Variants in PMEPA1 observed in about 807,000 individuals in gnomAD.
PMEPA1 encodes the protein protein TMEPAI.
PMEPA1 carries 11 observed loss-of-function variants against 23.0 expected under a neutral mutation model. That is an observed-to-expected ratio of 0.48 (90% CI 0.30 to 0.79). The LOEUF is 0.79. Ranked by LOEUF, PMEPA1 falls within the 30% of genes least tolerant of loss-of-function variation. The pLI is 0.06. For synonymous variants in PMEPA1, 204 were observed against 166.4 expected (o/e 1.23, Z -1.74); for missense variants, 377 against 390.9 (o/e 0.96, Z 0.30).
Position 57,709,499 on chromosome 20 carries a change from G to A in PMEPA1, c.84C>T (p.Arg28=). The part of the protein sequence containing the change: ...PNVSCTCNCK[R]SLFQSMEITE... ...TGATCTCCATGCTCTGGAACAAAGA[G>A]CGTTTGCAGTTGCACGTGCAGGAGA... Residue 28 remains arginine (R), a synonymous_variant, in exon 1 of 4, where the codon CGC becomes CGT. Transcript: ENST00000341744. 5 of 1,144,890 alleles carry A rather than the reference G, an allele frequency of 4.4e-6. No individual in the cohort carries two copies. The highest frequency in any genetic ancestry group is 4.4e-6 in the Non-Finnish European group (4 of 914,112). The allele number at this position is 1,144,890 out of a possible 1,614,324, so 70.9% of individuals were successfully genotyped here. A position where few individuals can be genotyped will look rare whatever the true frequency, so the allele number is the denominator to read the frequency against.
chr20:57,651,940 G>A lies in PMEPA1; in HGVS notation c.*113C>T, dbSNP rs1342024129. 1 of 784,376 alleles carries A rather than the reference G, an allele frequency of 1.3e-6. No individual in the cohort carries two copies. The allele number at this position is 784,376 out of a possible 1,614,324, so 48.6% of individuals were successfully genotyped here. A position where few individuals can be genotyped will look rare whatever the true frequency, so the allele number is the denominator to read the frequency against. On this transcript the variant is annotated 3_prime_UTR_variant, in exon 4 of 4. Transcript: ENST00000341744. ...TTATACACAGGGAGGTGGGAGGGGA[G>A]GGCCACACGATGCGTTGCTGCGCCC...
Position 57,709,460 on chromosome 20 carries a change from G to A in PMEPA1, c.109+14C>T, listed in dbSNP as rs1440982250. 9.0e-7 allele frequency: 1 copy of A among 1,106,618 alleles called. No individual in the cohort carries two copies. Among genetic ancestry groups the A allele is most frequent in the South Asian group, 3.2e-5 (1 of 31,108 alleles). The allele number at this position is 1,106,618 out of a possible 1,614,324, so 68.5% of individuals were successfully genotyped here. Reference sequence around the variant, plus strand: ...CGATGGAGTCTCCGGGGAGGGGGGCGTGGGGTCACTCACTGATCTCCATGC... The same window carrying A: ...CGATGGAGTCTCCGGGGAGGGGGGCATGGGGTCACTCACTGATCTCCATGC... On this transcript the variant is annotated intron_variant, in intron 1 of 3. Coordinates refer to ENST00000341744, the MANE Select transcript of PMEPA1 (RefSeq NM_020182.5).
chr20:57,653,069 G>C lies in PMEPA1; in HGVS notation c.282C>G (p.Pro94=), dbSNP rs1179499565. The C allele has an allele frequency of 1.3e-6, 2 of 1,590,800 alleles. No individual in the cohort carries two copies. The highest frequency in any genetic ancestry group is 2.3e-5 in the East Asian group (1 of 43,900). ...DALSSEGCLW[P]SESTVSGNGI... is the part of the protein sequence containing the mutation. Reference sequence around the variant, plus strand: ...CGTTGCCTGACACTGTGCTCTCCGAGGGCCACAGGCATCCTTCCTGCACAG... The same window carrying C: ...CGTTGCCTGACACTGTGCTCTCCGACGGCCACAGGCATCCTTCCTGCACAG... Residue 94 remains proline (P), a synonymous_variant, in exon 3 of 4, where the codon CCC becomes CCG. Transcript: ENST00000341744.
chr20:57,693,099 C>T (rs1038231762), intron 1 of PMEPA1, among the ~76,000 whole-genome samples: 2 of 152,236 alleles, frequency 1.3e-5, no homozygotes, highest in African/African-American at 2.4e-5. Flanking sequence ...GGCCGCCTCG[C>T]TCTGCGTTCC....
intron 1 of PMEPA1, among the ~76,000 whole-genome samples, chr20:57,674,559 T>C (rs1206445044): frequency 6.6e-6 from 1 of 152,252 alleles, no homozygotes; most frequent in Non-Finnish European, 1.5e-5. Flanking sequence ...ACCCCTGCCC[T>C]GGATGATGGA....
intron 1 of PMEPA1, among the ~76,000 whole-genome samples, chr20:57,666,570 C>T (rs2071495402): frequency 1.3e-5 from 2 of 152,134 alleles, no homozygotes; most frequent in Non-Finnish European, 2.9e-5. Context: ...CCCAAAATGC[C>T]AGAAACAGCG....
intron 1 of PMEPA1, among the ~76,000 whole-genome samples, chr20:57,660,830 ACAC>A (rs1475273147): frequency 1.3e-5 from 2 of 152,032 alleles, no homozygotes; most frequent in Non-Finnish European, 2.9e-5. Context: ...ACTCCTACAC[ACAC>A]GTCAACACCA....
rs924318366 is a variant in PMEPA1, at chr20:57,659,837, C to A, written c.110-140G>T. 1.7e-5 allele frequency: 13 copies of A among 764,236 alleles called. No homozygotes were observed. In the African/African-American group the frequency reaches 2.3e-4, roughly 13 times the overall value. The allele number at this position is 764,236 out of a possible 1,614,324, so 47.3% of individuals were successfully genotyped here. A position where few individuals can be genotyped will look rare whatever the true frequency, so the allele number is the denominator to read the frequency against. On this transcript the variant is annotated intron_variant, in intron 1 of 3. Coordinates refer to ENST00000341744, the MANE Select transcript of PMEPA1 (RefSeq NM_020182.5). ...CTCAGGAAAGCCCCCGCCACTCTCC[C>A]GGCAAGGTCACAGGCGATGCCTGGG...
intron 1 of PMEPA1, among the ~76,000 whole-genome samples, chr20:57,688,267 G>C (rs1010790406): frequency 6.6e-6 from 1 of 152,192 alleles, no homozygotes; most frequent in Admixed American, 6.5e-5. Context: ...AGTTGGAGAG[G>C]GGGGTGTCTG....
At chr20:57,670,375 C>T (rs1275606477) in intron 1 of PMEPA1, among the ~76,000 whole-genome samples, 2 of 151,958 alleles carry the variant, frequency 1.3e-5, no homozygotes, top group East Asian at 1.9e-4. Context: ...GCTGTCTCAC[C>T]ACCCGGCCTC....
intron 1 of PMEPA1, among the ~76,000 whole-genome samples, chr20:57,688,098 G>A (rs550731492): frequency 2.6e-4 from 39 of 152,088 alleles, no homozygotes; most frequent in Non-Finnish European, 5.4e-4. Context: ...CTCAGCCTCC[G>A]CCTCGGGACG....
In PMEPA1 at chr20:57,688,751, G is replaced by C. The variant is rs368057927; in HGVS notation, c.109+20723C>G. 9.2e-5 allele frequency among the ~76,000 whole-genome samples: 14 copies of C among 152,214 alleles called. No individual in the cohort carries two copies. In the East Asian group the frequency reaches 2.7e-3, roughly 29 times the overall value. ...CTTGGATAGGCAAACACTAAGCCTAGAGCCAGGGAATCAAACTGGAGATTC... is the reference window on the plus strand; with the variant it reads ...CTTGGATAGGCAAACACTAAGCCTACAGCCAGGGAATCAAACTGGAGATTC... On this transcript the variant is annotated intron_variant, in intron 1 of 3. Coordinates refer to ENST00000341744, the MANE Select transcript of PMEPA1 (RefSeq NM_020182.5).
intron 1 of PMEPA1, among the ~76,000 whole-genome samples, chr20:57,706,624 G>C (rs558362541): frequency 6.6e-6 from 1 of 152,130 alleles, no homozygotes; most frequent in Non-Finnish European, 1.5e-5. Context: ...GGCTCCCGGC[G>C]TACAAAGGGG....
In PMEPA1 at chr20:57,652,491, G is replaced by C. The variant is rs761414024; in HGVS notation, c.426C>G (p.His142Gln). The change falls in exon 4 of 4, where the codon CAC becomes CAG. Residue 142 changes from histidine (H) to glutamine (Q), a missense_variant. Transcript: ENST00000341744. The surrounding 1 kb of genome is among the most constrained non-coding windows in gnomAD (Gnocchi z 6.1). ...AGATGGTGGGTGGCAGGTCGATCTCGTGCTGCAGGTACGGATAGGTGGGCT... is the reference window on the plus strand; with the variant it reads ...AGATGGTGGGTGGCAGGTCGATCTCCTGCTGCAGGTACGGATAGGTGGGCT... ...RFQPTYPYLQHEIDLPPTISL... is the reference protein window; with the variant it reads ...RFQPTYPYLQQEIDLPPTISL... 2 of 1,605,090 alleles carry C rather than the reference G, an allele frequency of 1.2e-6. No individual in the cohort carries two copies. Among genetic ancestry groups the C allele is most frequent in the East Asian group, 2.2e-5 (1 of 44,754 alleles).
Position 57,651,963 on chromosome 20 carries a change from C to CCT in PMEPA1, c.*89_*90insAG, listed in dbSNP as rs2071237451. ...GAGGGCCACACGATGCGTTGCTGCG[C>CCT]CCCCCGCCTTCCTCTCACTCCTCTT... is the stretch of plus-strand genomic sequence containing the variant. On this transcript the variant is annotated 3_prime_UTR_variant, in exon 4 of 4. Transcript: ENST00000341744. 9 of 1,131,620 alleles carry CCT rather than the reference C, an allele frequency of 8.0e-6. No individual in the cohort carries two copies. The East Asian group carries it at 2.4e-4, about 31-fold the overall frequency. The allele number at this position is 1,131,620 out of a possible 1,614,324, so 70.1% of individuals were successfully genotyped here.
chr20:57,698,636 C>T (rs929195481), intron 1 of PMEPA1, among the ~76,000 whole-genome samples: 31 of 152,314 alleles, frequency 2.0e-4, no homozygotes, highest in Admixed American at 1.8e-3. Context: ...GAACTCTGGC[C>T]AGCTACAGAC....
rs1252439690 is a variant in PMEPA1 at position 57,690,293 on chromosome 20, C to G, written c.109+19181G>C. The G allele has an allele frequency of 8.6e-6, 5 of 581,706 alleles. No individual in the cohort carries two copies. The East Asian group carries it at 2.7e-4, about 31-fold the overall frequency. 36.0% of individuals were successfully genotyped at this position (581,706 alleles called of 1,614,324 possible). A position where few individuals can be genotyped will look rare whatever the true frequency, so the allele number is the denominator to read the frequency against. ...TTGGGGCACAGACCACCCGGGGGGG[C>G]CGGGCCCAGTGCCTGCACCCACCCC... is the stretch of plus-strand genomic sequence containing the variant. On this transcript the variant is annotated intron_variant, in intron 1 of 3. Transcript: ENST00000341744.
chr20:57,692,196 G>A (rs926300704), intron 1 of PMEPA1, among the ~76,000 whole-genome samples: 7 of 152,350 alleles, frequency 4.6e-5, no homozygotes, highest in African/African-American at 1.7e-4. Flanking sequence ...CCCCTGTGTA[G>A]TGGGTGCCTA....
At chr20:57,674,802 C>T (rs934505052) in intron 1 of PMEPA1, among the ~76,000 whole-genome samples, 6 of 152,158 alleles carry the variant, frequency 3.9e-5, no homozygotes, top group Admixed American at 6.5e-5. Context: ...TGAGAATTCA[C>T]GATGATTGAG....
Sources: gnomAD v4.1 joint callset for allele counts (sites outside exome capture counted in the v4.1 genomes callset) on GRCh38, gnomAD v4.1.1 for gene constraint, Gnocchi (gnomAD v3.1) non-coding constraint, MANE v1.5 for transcripts, NCBI Gene and HGNC (gene_info 2026-07-23, HGNC 2026-07-21) for gene names.